The following HERC2 variants were observed in gnomAD, a reference collection of about 807,000 sequenced individuals.
HERC2 encodes E3 ubiquitin-protein ligase HERC2.
Under a neutral mutation model 537.7 loss-of-function variants are expected in HERC2, and 102 were observed. That is an observed-to-expected ratio of 0.19 (90% confidence interval 0.16 to 0.22). The LOEUF is 0.22. HERC2 is among the 10% of genes least tolerant of loss of function. The pLI, the probability that HERC2 is intolerant of heterozygous loss-of-function variation, is 1.00. For synonymous variants in HERC2, 2,224 were observed against 2,466.2 expected (o/e 0.90, Z 2.91); for missense variants, 4,236 against 6,198.2 (o/e 0.68, Z 10.63).
chr15:28,179,082 T>G (rs1895572184), intron 58 of HERC2, 52 bp from the exon 59 acceptor site: 1 of 1,601,800 alleles, frequency 6.2e-7, no homozygotes, highest in Non-Finnish European at 8.5e-7. Context: ...CATTAAAAAC[T>G]TTTTTGTTTT....
chr15:28,256,829 C>T (rs753217330), intron 17 of HERC2, among the ~76,000 whole-genome samples: 6 of 152,178 alleles, frequency 3.9e-5, no homozygotes, highest in Admixed American at 2.0e-4. Flanking sequence ...CTCCTGACCT[C>T]GTGATCCACC....
At chr15:28,114,546 C>T (rs543610417) in intron 90 of HERC2, 66 bp downstream of exon 90, 1 of 1,453,114 alleles carries the variant, frequency 6.9e-7, no homozygotes, top group African/African-American at 1.4e-5. Flanking sequence ...ACACACATGT[C>T]CACACAACCA....
rs1426667097 is a variant in HERC2, at chr15:28,176,457, C to T, written c.9657G>A (p.Ala3219=). 9 of 1,613,906 alleles carry T rather than the reference C, an allele frequency of 5.6e-6. No homozygotes were observed. The highest frequency in any genetic ancestry group is 7.6e-6 in the Non-Finnish European group (9 of 1,179,972). Residue 3219 remains alanine (A), a synonymous_variant, in exon 63 of 93, where the codon GCG becomes GCA. Transcript: ENST00000261609. The surrounding 1 kb of genome is among the most constrained non-coding windows in gnomAD (Gnocchi z 5.0). The part of the protein sequence containing the change: ...QIECGAQFSL[A]LTKSGVVWTW... ...TCCACACCACTCCAGACTTGGTGAG[C>T]GCCAGGGAGAACTGAGCTCCACACT... is the stretch of plus-strand genomic sequence containing the variant.
intron 67 of HERC2, 102 bp from the exon 68 acceptor site, chr15:28,167,929 G>A (rs1894313373): frequency 1.6e-6 from 2 of 1,290,044 alleles, no homozygotes; most frequent in South Asian, 1.5e-5. Context: ...AACTACTTGG[G>A]CTGTTTAGAA....
intron 3 of HERC2, among the ~76,000 whole-genome samples, 189 bp downstream of exon 3, chr15:28,299,213 A>T (rs1667400): frequency 6.6e-6 from 1 of 152,048 alleles, no homozygotes; most frequent in Non-Finnish European, 1.5e-5. Flanking sequence ...GCCTTCAATT[A>T]ACGTAAAACA....
chr15:28,266,987 T>A (rs1022474895), intron 12 of HERC2, among the ~76,000 whole-genome samples: 2 of 152,198 alleles, frequency 1.3e-5, no homozygotes, highest in African/African-American at 4.8e-5. Context: ...CACTCTGCAA[T>A]CTATACTTTA....
chr15:28,244,486 T>C (rs1903464301), intron 23 of HERC2, among the ~76,000 whole-genome samples: 1 of 152,034 alleles, frequency 6.6e-6, no homozygotes, highest in Non-Finnish European at 1.5e-5. Flanking sequence ...TGAGTCCGAG[T>C]TTGGGAGGGT....
At chr15:28,243,919 T>C (rs1903394992) in intron 23 of HERC2, among the ~76,000 whole-genome samples, 1 of 152,124 alleles carries the variant, frequency 6.6e-6, no homozygotes, top group Non-Finnish European at 1.5e-5. Flanking sequence ...GCAGGAGCGC[T>C]GGCTCATGCC....
chr15:28,142,752 T>C (rs1349002278), intron 75 of HERC2, 75 bp downstream of exon 75: 1 of 1,517,658 alleles, frequency 6.6e-7, no homozygotes. Flanking sequence ...ACACACACAC[T>C]GCACATGACA....
chr15:28,182,736 C>T (rs752614239), intron 56 of HERC2, among the ~76,000 whole-genome samples: 2 of 152,134 alleles, frequency 1.3e-5, no homozygotes, highest in Non-Finnish European at 2.9e-5. Context: ...TTAATACTAG[C>T]ACTTAATTTC....
chr15:28,320,158 A>G (rs2077193364), intron 2 of HERC2: 1 of 152,098 alleles, frequency 6.6e-6, no homozygotes, highest in South Asian at 2.1e-4. Context: ...CTCATTGTCC[A>G]GGCTGGAGTG....
At chr15:28,135,404 A>C (rs1481292485) in intron 79 of HERC2, 74 bp downstream of exon 79, 34 of 1,171,848 alleles carry the variant, frequency 2.9e-5, no homozygotes. Flanking sequence ...CAAAGCGCCA[A>C]TAGATTGTAG....
chr15:28,114,388 G>A (rs1348932391), intron 90 of HERC2, among the ~76,000 whole-genome samples: 1 of 152,168 alleles, frequency 6.6e-6, no homozygotes, highest in Non-Finnish European at 1.5e-5. Context: ...CCAAATGGGT[G>A]GATTTTGTTG....
At chr15:28,131,699 G>A (rs1401409424) in intron 81 of HERC2, among the ~76,000 whole-genome samples, 1 of 152,182 alleles carries the variant, frequency 6.6e-6, no homozygotes, top group East Asian at 1.9e-4. Context: ...TAACCCAGAT[G>A]CAGTCCCTTT....
At chr15:28,263,272 C>T in intron 14 of HERC2, 103 bp from the exon 15 acceptor site, 1 of 1,254,766 alleles carries the variant, frequency 8.0e-7, no homozygotes, top group South Asian at 1.5e-5. Context: ...TAATCTAGAC[C>T]ACTCAGGTAC....
chr15:28,209,744 G>T (rs1445793270), intron 44 of HERC2, among the ~76,000 whole-genome samples: 1 of 152,006 alleles, frequency 6.6e-6, no homozygotes, highest in Admixed American at 6.6e-5. Flanking sequence ...AGTGAATTCT[G>T]GTATAACTGG....
rs147323805 is a variant in HERC2 at position 28,132,667 on chromosome 15, G to A, written c.12394C>T (p.Leu4132=). The A allele has an allele frequency of 3.2e-6, 5 of 1,550,394 alleles. No homozygotes were observed. In the African/African-American group the frequency reaches 4.2e-5, roughly 13 times the overall value. ...CGCCTCCTCACCAGCTTCGGCTTCA[G>A]CTGGTCCTCACTGTCGCTGTGCCCC... ...RLGHSDSEDQ[L]KPKLVEALQG... The change falls in exon 80 of 93, where the codon CTG becomes TTG. Residue 4132 remains leucine (L), a synonymous_variant. Coordinates refer to ENST00000261609, the MANE Select transcript of HERC2 (RefSeq NM_004667.6).
intron 2 of HERC2, among the ~76,000 whole-genome samples, chr15:28,301,941 AGGCTCACACCACCACACCC>A (rs2076649289): frequency 2.0e-5 from 3 of 150,714 alleles, no homozygotes; most frequent in Non-Finnish European, 4.4e-5. Flanking sequence ...CTGGGACTAC[AGGCTCACACCACCACACCC>A]AGCTAATTTT....
chr15:28,275,129 AT>A (rs376071931), intron 5 of HERC2, 124 bp from the exon 6 acceptor site: 1 of 520,580 alleles, frequency 1.9e-6, no homozygotes, highest in African/African-American at 1.9e-5. Flanking sequence ...AAGTGACAGG[AT>A]CACAAGTGGA....
Sources: allele counts gnomAD v4.1 joint callset (sites outside exome capture counted in the v4.1 genomes callset), GRCh38; gene constraint gnomAD v4.1.1; non-coding constraint Gnocchi (gnomAD v3.1); transcripts MANE v1.5; gene names NCBI Gene and HGNC (gene_info 2026-07-23, HGNC 2026-07-21).